The following CSGALNACT1 variants were observed in gnomAD, a reference collection of about 807,000 sequenced individuals.
CSGALNACT1 encodes the protein chondroitin sulfate N-acetylgalactosaminyltransferase 1, also known as beta4GalNAcT-1.
Under a neutral mutation model 51.0 loss-of-function variants are expected in CSGALNACT1, and 52 were observed. That is an observed-to-expected ratio of 1.02 (90% confidence interval 0.82 to 1.29). The LOEUF (loss-of-function observed/expected upper bound fraction) is 1.29, where lower values mean the gene tolerates loss of function less well. CSGALNACT1 is among the 50% of genes most tolerant of loss of function. The pLI is 0.00. For missense variants in CSGALNACT1, 935 were observed against 679.2 expected (o/e 1.38, Z -4.19); for synonymous variants, 341 against 254.4 (o/e 1.34, Z -3.24).
intron 1 of CSGALNACT1, among the ~76,000 whole-genome samples, chr8:19,701,448 C>G (rs1398107919): frequency 6.6e-6 from 1 of 152,126 alleles, no homozygotes. Context: ...GCCACTGCAC[C>G]AAGCCTACTC....
chr8:19,583,516 A>G (rs2046016819), intron 3 of CSGALNACT1, among the ~76,000 whole-genome samples: 2 of 152,230 alleles, frequency 1.3e-5, no homozygotes, highest in Admixed American at 1.3e-4. Context: ...CATTAAAAGT[A>G]CAGTCATTTG....
At chr8:19,478,201 T>C (rs1348990058) in intron 4 of CSGALNACT1, among the ~76,000 whole-genome samples, 2 of 151,886 alleles carry the variant, frequency 1.3e-5, no homozygotes, top group African/African-American at 4.8e-5. Context: ...GATCACGAGG[T>C]CAGGAGATCG....
intron 1 of CSGALNACT1, among the ~76,000 whole-genome samples, chr8:19,649,687 T>C (rs2057602471): frequency 2.6e-5 from 4 of 151,782 alleles, no homozygotes; most frequent in Admixed American, 1.3e-4. Context: ...AAACCCACTA[T>C]CAAGCCTACT....
intron 1 of CSGALNACT1, among the ~76,000 whole-genome samples, chr8:19,666,202 G>A (rs574152353): frequency 6.6e-5 from 10 of 152,188 alleles, no homozygotes; most frequent in African/African-American, 2.4e-4. Flanking sequence ...TTCTAACAGT[G>A]TTCTTGCCAC....
At chr8:19,565,677 G>T (rs955394834) in intron 3 of CSGALNACT1, among the ~76,000 whole-genome samples, 8 of 152,200 alleles carry the variant, frequency 5.3e-5, no homozygotes, top group African/African-American at 1.9e-4. Flanking sequence ...CCAGCACTTT[G>T]GGAGGCCAAG....
intron 5 of CSGALNACT1, among the ~76,000 whole-genome samples, chr8:19,453,253 A>G (rs2063514752): frequency 1.3e-5 from 2 of 152,228 alleles, no homozygotes; most frequent in Admixed American, 6.5e-5. Context: ...TAAAAAGTCC[A>G]AAGAGAAAAC....
At chr8:19,441,908 G>A (rs1485186758) in intron 5 of CSGALNACT1, among the ~76,000 whole-genome samples, 1 of 152,178 alleles carries the variant, frequency 6.6e-6, no homozygotes, top group African/African-American at 2.4e-5. Context: ...AGTGGGCGAA[G>A]GATATGAACA....
chr8:19,500,467 C>T (rs1023310779), intron 4 of CSGALNACT1, among the ~76,000 whole-genome samples: 2 of 152,022 alleles, frequency 1.3e-5, no homozygotes, highest in African/African-American at 4.8e-5. Flanking sequence ...AAGTTGCTAT[C>T]ACTGAAATGG....
chr8:19,638,521 G>C (rs2056376434), intron 1 of CSGALNACT1, among the ~76,000 whole-genome samples: 1 of 152,124 alleles, frequency 6.6e-6, no homozygotes, highest in Admixed American at 6.5e-5. Flanking sequence ...AAGGTAAAAG[G>C]AACTGGATGA....
intron 5 of CSGALNACT1, 61 bp downstream of exon 4, chr8:19,458,365 T>A: frequency 1.5e-6 from 2 of 1,307,236 alleles, no homozygotes; most frequent in South Asian, 1.2e-5. Context: ...TGACGGGAAA[T>A]GATATCAGTG....
At chr8:19,480,609 T>G (rs1318056952) in intron 4 of CSGALNACT1, among the ~76,000 whole-genome samples, 1 of 152,200 alleles carries the variant, frequency 6.6e-6, no homozygotes, top group Non-Finnish European at 1.5e-5. Flanking sequence ...ATAGAACAAT[T>G]TCTTTTCCTT....
intron 6 of CSGALNACT1, among the ~76,000 whole-genome samples, chr8:19,429,884 C>G (rs987431019): frequency 1.3e-5 from 2 of 152,240 alleles, no homozygotes; most frequent in Non-Finnish European, 2.9e-5. Flanking sequence ...TCCTCAGAGA[C>G]ACTTGTAATT....
intron 3 of CSGALNACT1, among the ~76,000 whole-genome samples, chr8:19,580,717 C>T (rs929775396): frequency 1.3e-5 from 2 of 152,158 alleles, no homozygotes; most frequent in African/African-American, 4.8e-5. Flanking sequence ...CACAGACTCA[C>T]TGGTAATCTA....
chr8:19,478,719 A>G (rs796339927), intron 4 of CSGALNACT1, among the ~76,000 whole-genome samples: 9 of 152,278 alleles, frequency 5.9e-5, no homozygotes, highest in African/African-American at 1.9e-4. Context: ...CCCTTTCTCC[A>G]CTGCTGAATT....
chr8:19,710,880 C>T (rs1161368369), intron 1 of CSGALNACT1, among the ~76,000 whole-genome samples: 1 of 152,080 alleles, frequency 6.6e-6, no homozygotes, highest in African/African-American at 2.4e-5. Context: ...TTCACATTCT[C>T]TTTCTTTATT....
intron 3 of CSGALNACT1, among the ~76,000 whole-genome samples, chr8:19,578,050 C>T (rs961697703): frequency 6.6e-6 from 1 of 152,202 alleles, no homozygotes; most frequent in Non-Finnish European, 1.5e-5. Flanking sequence ...CTTGCTTTCA[C>T]TCAGCAGATG....
chr8:19,496,622 T>C (rs187651699), intron 4 of CSGALNACT1, among the ~76,000 whole-genome samples: 1 of 152,312 alleles, frequency 6.6e-6, no homozygotes, highest in East Asian at 1.9e-4. Context: ...TCCAAGACTT[T>C]TTTGGAACTT....
chr8:19,526,926 A>T (rs2154045153), intron 3 of CSGALNACT1, among the ~76,000 whole-genome samples: 1 of 152,336 alleles, frequency 6.6e-6, no homozygotes, highest in South Asian at 2.1e-4. Flanking sequence ...TTTAACAAAC[A>T]TTTACTCAGT....
chr8:19,643,332 T>A (rs933339943), intron 1 of CSGALNACT1, among the ~76,000 whole-genome samples: 1 of 152,136 alleles, frequency 6.6e-6, no homozygotes, highest in African/African-American at 2.4e-5. Context: ...TAGACTTCAA[T>A]AGATTAAAAA....
Sources: gnomAD v4.1 joint callset for allele counts (sites outside exome capture counted in the v4.1 genomes callset) on GRCh38, gnomAD v4.1.1 for gene constraint, MANE v1.5 for transcripts, NCBI Gene and HGNC (gene_info 2026-07-23, HGNC 2026-07-21) for gene names.